Variants in EYS observed in about 807,000 individuals in gnomAD.
EYS encodes the protein EGF-like photoreceptor maintenance factor, also known as protein eyes shut homolog.
Under a neutral mutation model 282.1 loss-of-function variants are expected in EYS, and 250 were observed. That is an observed-to-expected ratio of 0.89 (90% CI 0.80 to 0.98). EYS has a LOEUF of 0.98. Ranked by LOEUF, EYS falls within the 50% of genes least tolerant of loss-of-function variation. EYS has a pLI of 0.00. For missense variants in EYS, 4,016 were observed against 3,709.0 expected (o/e 1.08, Z -2.15); for synonymous variants, 1,355 against 1,282.9 (o/e 1.06, Z -1.20).
chr6:64,031,096 A>G (rs928623445), intron 33 of EYS, among the ~76,000 whole-genome samples: 4 of 151,718 alleles, frequency 2.6e-5, no homozygotes, highest in African/African-American at 9.7e-5. Flanking sequence ...GCACTGTGGG[A>G]GCCCCTTTCT....
intron 26 of EYS, among the ~76,000 whole-genome samples, chr6:64,554,254 T>C (rs1333568754): frequency 6.6e-6 from 1 of 152,116 alleles, no homozygotes; most frequent in Admixed American, 6.5e-5. Flanking sequence ...TGTAATGCCA[T>C]TCCATTTTCT....
At chr6:64,614,781 C>T (rs1464244168) in intron 24 of EYS, among the ~76,000 whole-genome samples, 2 of 152,040 alleles carry the variant, frequency 1.3e-5, no homozygotes, top group Non-Finnish European at 2.9e-5. Context: ...GATCATGTAA[C>T]TTATTGAATG....
At chr6:65,571,245 A>G (rs923652582) in intron 2 of EYS, among the ~76,000 whole-genome samples, 2 of 152,054 alleles carry the variant, frequency 1.3e-5, no homozygotes, top group African/African-American at 2.4e-5. Flanking sequence ...AAACTTAAAT[A>G]CCATCTTCAG....
At chr6:65,176,560 T>G (rs1765230955) in intron 12 of EYS, among the ~76,000 whole-genome samples, 1 of 151,662 alleles carries the variant, frequency 6.6e-6, no homozygotes, top group African/African-American at 2.4e-5. Context: ...ACTTTTCACT[T>G]AAATCAAAGG....
intron 30 of EYS, among the ~76,000 whole-genome samples, chr6:64,277,358 A>C (rs553725027): frequency 3.8e-4 from 58 of 152,260 alleles, no homozygotes; most frequent in South Asian, 1.0e-3. Context: ...AAATAATTCC[A>C]ATGAGAAAAT....
chr6:65,210,115 G>A (rs1251547296), intron 12 of EYS, among the ~76,000 whole-genome samples: 2 of 151,974 alleles, frequency 1.3e-5, no homozygotes, highest in Admixed American at 6.6e-5. Flanking sequence ...GGAAAACAGT[G>A]ATATATGTTA....
At chr6:63,779,922 A>G (rs1161245556) in intron 39 of EYS, among the ~76,000 whole-genome samples, 1 of 151,998 alleles carries the variant, frequency 6.6e-6, no homozygotes, top group South Asian at 2.1e-4. Flanking sequence ...GACAGGCCCC[A>G]GTGTGTGATG....
intron 11 of EYS, among the ~76,000 whole-genome samples, chr6:65,298,232 G>C (rs1372646727): frequency 6.6e-6 from 1 of 151,940 alleles, no homozygotes; most frequent in Non-Finnish European, 1.5e-5. Flanking sequence ...TGAAAATTAA[G>C]AGTAATATGG....
chr6:65,202,588 G>A (rs907913790), intron 12 of EYS, among the ~76,000 whole-genome samples: 1 of 152,076 alleles, frequency 6.6e-6, no homozygotes, highest in African/African-American at 2.4e-5. Flanking sequence ...CTCCAGCAGG[G>A]GAGGAGTCCA....
intron 26 of EYS, among the ~76,000 whole-genome samples, chr6:64,518,377 A>T (rs1430191594): frequency 6.6e-6 from 1 of 151,536 alleles, no homozygotes; most frequent in East Asian, 1.9e-4. Context: ...ATCTTAGTGG[A>T]TGCTGCTCAT....
chr6:64,834,181 A>G (rs930696856), intron 19 of EYS, among the ~76,000 whole-genome samples: 1 of 151,862 alleles, frequency 6.6e-6, no homozygotes, highest in Non-Finnish European at 1.5e-5. Context: ...TGGAAAATAA[A>G]TGTTCTTTAT....
At chr6:65,638,339 C>G (rs1767161723) in intron 2 of EYS, among the ~76,000 whole-genome samples, 1 of 152,098 alleles carries the variant, frequency 6.6e-6, no homozygotes, top group African/African-American at 2.4e-5. Context: ...AGAGGCAGGA[C>G]AAGAAGTCAA....
At chr6:65,561,838 C>T (rs1322957167) in intron 2 of EYS, among the ~76,000 whole-genome samples, 2 of 151,486 alleles carry the variant, frequency 1.3e-5, no homozygotes, top group Non-Finnish European at 2.9e-5. Flanking sequence ...CTGATTCATA[C>T]CATGAATATT....
chr6:64,386,601 G>A (rs548151896), intron 29 of EYS, among the ~76,000 whole-genome samples: 2 of 152,196 alleles, frequency 1.3e-5, no homozygotes, highest in South Asian at 4.1e-4. Flanking sequence ...AACCATATCA[G>A]CAACTCAAAT....
intron 36 of EYS, among the ~76,000 whole-genome samples, chr6:63,807,149 G>GT (rs1770927402): frequency 6.6e-6 from 1 of 152,112 alleles, no homozygotes; most frequent in African/African-American, 2.4e-5. Flanking sequence ...GTCTCCACTG[G>GT]TTTTTTAAAT....
At chr6:64,901,514 T>C (rs2150071382) in intron 18 of EYS, among the ~76,000 whole-genome samples, 1 of 151,934 alleles carries the variant, frequency 6.6e-6, no homozygotes, top group Non-Finnish European at 1.5e-5. Flanking sequence ...AAAAATTGTA[T>C]TTTTCAAAAG....
chr6:65,660,753 C>T (rs1377908795), intron 1 of EYS, among the ~76,000 whole-genome samples: 3 of 151,874 alleles, frequency 2.0e-5, no homozygotes, highest in East Asian at 3.9e-4. Flanking sequence ...ACTGTGATCA[C>T]CTTAATTTCT....
chr6:64,643,630 C>T (rs1040673506), intron 22 of EYS, among the ~76,000 whole-genome samples: 1 of 152,170 alleles, frequency 6.6e-6, no homozygotes, highest in Admixed American at 6.5e-5. Context: ...TTGTAACTTC[C>T]ACAATTCACA....
intron 16 of EYS, among the ~76,000 whole-genome samples, chr6:64,905,589 T>C (rs1192641429): frequency 6.6e-6 from 1 of 152,198 alleles, no homozygotes; most frequent in East Asian, 1.9e-4. Context: ...TCCTCCAAAA[T>C]ACACAAAATT....
Sources: gnomAD v4.1 joint callset for allele counts (sites outside exome capture counted in the v4.1 genomes callset) on GRCh38, gnomAD v4.1.1 for gene constraint, MANE v1.5 for transcripts, NCBI Gene and HGNC (gene_info 2026-07-23, HGNC 2026-07-21) for gene names.